Variants in GDPD1 observed in about 807,000 individuals in gnomAD.
The protein encoded by GDPD1 is glycerophosphodiester phosphodiesterase domain containing 1.
Under a neutral mutation model 45.1 loss-of-function variants are expected in GDPD1, and 28 were observed. The ratio of observed to expected loss-of-function variants is 0.62; its 90% CI spans 0.46 to 0.85. The LOEUF (loss-of-function observed/expected upper bound fraction) is 0.85, where lower values mean the gene tolerates loss of function less well. Among genes scored for constraint, GDPD1 ranks in the 40% least tolerant of loss-of-function variants. The pLI, the probability that GDPD1 is intolerant of heterozygous loss-of-function variation, is 0.00. For synonymous variants in GDPD1, 139 were observed against 131.4 expected, an observed-to-expected ratio of 1.06 and a Z score of -0.40; for missense variants, 256 against 364.8, an observed-to-expected ratio of 0.70 and a Z score of 2.43.
At chr17:59,221,837 G>C (rs977995118) in intron 1 of GDPD1, among the ~76,000 whole-genome samples, 2 of 152,098 alleles carry the variant, frequency 1.3e-5, no homozygotes. Context: ...CTAAAACTTG[G>C]TGTAGTACCA....
At chr17:59,248,167 G>C (rs964421525) in intron 3 of GDPD1, among the ~76,000 whole-genome samples, 1 of 151,900 alleles carries the variant, frequency 6.6e-6, no homozygotes, top group South Asian at 2.1e-4. Flanking sequence ...GGAGGCTGAG[G>C]CTTGCCAAAA....
At chr17:59,261,432 A>G (rs1190971987) in intron 6 of GDPD1, among the ~76,000 whole-genome samples, 4 of 152,140 alleles carry the variant, frequency 2.6e-5, no homozygotes, top group African/African-American at 9.7e-5. Context: ...TATCCCAGAA[A>G]AATGAAATAC....
intron 1 of GDPD1, among the ~76,000 whole-genome samples, chr17:59,221,612 C>G (rs2047005803): frequency 6.6e-6 from 1 of 152,124 alleles, no homozygotes; most frequent in African/African-American, 2.4e-5. Context: ...GTAGTCCACC[C>G]TCTAATTTCC....
intron 1 of GDPD1, among the ~76,000 whole-genome samples, chr17:59,222,690 T>C (rs980143732): frequency 6.6e-6 from 1 of 151,698 alleles, no homozygotes; most frequent in African/African-American, 2.4e-5. Context: ...AATTTTTGTA[T>C]TTTTAGTGGA....
intron 4 of GDPD1, among the ~76,000 whole-genome samples, chr17:59,250,613 CA>C (rs34031181): frequency 0.025 from 2,602 of 102,226 alleles, 19 homozygotes; most frequent in Non-Finnish European, 0.026. Context: ...GACCTTGTCT[CA>C]AAAAAAAAAA....
chr17:59,272,171 T>C (rs765795432), intron 8 of GDPD1, among the ~76,000 whole-genome samples: 13 of 152,176 alleles, frequency 8.5e-5, no homozygotes, highest in Admixed American at 2.0e-4. Context: ...TTAATCATTC[T>C]AATAGACATA....
At chr17:59,261,073 C>A (rs2047351871) in intron 6 of GDPD1, among the ~76,000 whole-genome samples, 1 of 152,098 alleles carries the variant, frequency 6.6e-6, no homozygotes, top group Non-Finnish European at 1.5e-5. Context: ...TCAAGAGGTT[C>A]TCCTGCCTCA....
At chr17:59,264,758 A>G (rs1390845128) in intron 6 of GDPD1, among the ~76,000 whole-genome samples, 1 of 152,196 alleles carries the variant, frequency 6.6e-6, no homozygotes, top group East Asian at 1.9e-4. Context: ...ATGTAAACAA[A>G]GGGGCAAAAT....
intron 7 of GDPD1, among the ~76,000 whole-genome samples, chr17:59,269,265 C>A (rs141594712): frequency 0.025 from 3,776 of 152,084 alleles, 157 homozygotes; most frequent in African/African-American, 0.087. Flanking sequence ...GCACTCTAGC[C>A]TGGGCGACAG....
chr17:59,256,896 C>A (rs866356428), intron 4 of GDPD1, among the ~76,000 whole-genome samples: 1 of 152,026 alleles, frequency 6.6e-6, no homozygotes, highest in Non-Finnish European at 1.5e-5. Context: ...TGTAGCACAT[C>A]ATATTATTAG....
intron 1 of GDPD1, among the ~76,000 whole-genome samples, chr17:59,232,179 G>A (rs1015829643): frequency 7.2e-5 from 11 of 152,240 alleles, no homozygotes; most frequent in South Asian, 4.1e-4. Flanking sequence ...CAAGCTGGGC[G>A]CGGTGGCTCA....
intron 6 of GDPD1, among the ~76,000 whole-genome samples, chr17:59,265,707 G>C (rs867067088): frequency 7.9e-5 from 12 of 151,694 alleles, no homozygotes; most frequent in Non-Finnish European, 1.6e-4. Context: ...AGACCAGCCT[G>C]GGTGACATGG....
At chr17:59,273,442 T>G (rs568610811) in intron 9 of GDPD1, among the ~76,000 whole-genome samples, 1 of 152,278 alleles carries the variant, frequency 6.6e-6, no homozygotes, top group Non-Finnish European at 1.5e-5. Flanking sequence ...GTCTGTATAT[T>G]TAACAAGCAC....
chr17:59,245,609 T>C, intron 3 of GDPD1, 60 bp downstream of exon 3: 12 of 1,373,672 alleles, frequency 8.7e-6, no homozygotes, highest in Non-Finnish European at 1.2e-5. Flanking sequence ...TAAGATTTTT[T>C]TTAAAATAGC....
At chr17:59,241,202 T>C (rs181333818) in intron 2 of GDPD1, among the ~76,000 whole-genome samples, 2 of 152,332 alleles carry the variant, frequency 1.3e-5, no homozygotes, top group East Asian at 3.9e-4. Flanking sequence ...CATTGTTAAG[T>C]GGTGCATGAC....
rs1381945030 is a variant in GDPD1, at chr17:59,274,799, A to G, written c.*1026A>G. The stretch of plus-strand genomic sequence containing the variant: ...TCTCAAAAAAAGAAAAAAAGAAAAA[A>G]AATTGGCAATAGTCTTCACTGGAAT... On this transcript the variant is annotated 3_prime_UTR_variant, in exon 10 of 10. Coordinates refer to ENST00000284116, the MANE Select transcript of GDPD1 (RefSeq NM_182569.4). 6.6e-6 allele frequency among the ~76,000 whole-genome samples: 1 copy of G among 151,838 alleles called. No homozygotes were observed. The highest frequency in any genetic ancestry group is 1.9e-4 in the East Asian group (1 of 5,164).
chr17:59,241,311 GTATT>G (rs755109856), intron 2 of GDPD1, among the ~76,000 whole-genome samples: 4 of 152,094 alleles, frequency 2.6e-5, no homozygotes, highest in African/African-American at 9.7e-5. Context: ...GTGAGCTAGT[GTATT>G]TATTTATTTA....
chr17:59,272,939 CT>C (rs1234796172), intron 9 of GDPD1, 103 bp downstream of exon 9: 45 of 1,601,524 alleles, frequency 2.8e-5, no homozygotes, highest in Non-Finnish European at 2.6e-5. Flanking sequence ...GCCCTTGACT[CT>C]GATGCTGCTG....
chr17:59,222,505 C>CTGTTTTTTTTTTTTT (rs2047013464), intron 1 of GDPD1, among the ~76,000 whole-genome samples: 3 of 41,752 alleles, frequency 7.2e-5, no homozygotes, highest in Admixed American at 3.3e-4. Flanking sequence ...AGTGCCCAGC[C>CTGTTTTTTTTTTTTT]TTTTTTTTTT....
Sources: allele counts gnomAD v4.1 joint callset (sites outside exome capture counted in the v4.1 genomes callset), GRCh38; gene constraint gnomAD v4.1.1; transcripts MANE v1.5; gene names NCBI Gene and HGNC (gene_info 2026-07-23, HGNC 2026-07-21).